The following SDK1 variants were observed in gnomAD, a reference collection of about 807,000 sequenced individuals.
SDK1 encodes the protein protein sidekick-1.
Under a neutral mutation model 245.5 loss-of-function variants are expected in SDK1, and 157 were observed. The observed-to-expected ratio is 0.64, with a 90% CI of 0.56 to 0.73. The LOEUF (loss-of-function observed/expected upper bound fraction) is 0.73. SDK1 is among the 30% of genes least tolerant of loss of function. The pLI is 0.00. For missense variants in SDK1, 3,583 were observed against 3,002.3 expected (o/e 1.19, Z -4.52); for synonymous variants, 1,647 against 1,278.5 (o/e 1.29, Z -6.15).
chr7:4,206,048 C>G (rs1482045205), intron 36 of SDK1, 54 bp downstream of exon 36: 2 of 1,191,192 alleles, frequency 1.7e-6, no homozygotes, highest in Admixed American at 4.7e-5. Flanking sequence ...ACCCCTCGTT[C>G]ACGTGGTCCT....
chr7:3,511,580 C>T (rs1210748833), intron 1 of SDK1, among the ~76,000 whole-genome samples: 1 of 151,874 alleles, frequency 6.6e-6, no homozygotes, highest in Non-Finnish European at 1.5e-5. Flanking sequence ...TTATTCCTGT[C>T]TTCTTAACAT....
chr7:3,708,150 C>G (rs952007267), intron 4 of SDK1, among the ~76,000 whole-genome samples: 2 of 152,116 alleles, frequency 1.3e-5, no homozygotes, highest in Non-Finnish European at 2.9e-5. Flanking sequence ...GGAACAGGAG[C>G]AAGAGAGAAT....
chr7:3,916,509 G>A (rs2128111008), intron 5 of SDK1, among the ~76,000 whole-genome samples: 1 of 152,306 alleles, frequency 6.6e-6, no homozygotes, highest in East Asian at 1.9e-4. Context: ...TGTCTTAAAA[G>A]ATGATGGAAA....
At chr7:4,129,707 G>C in intron 26 of SDK1, 1 of 1,415,838 alleles carries the variant, frequency 7.1e-7, no homozygotes, top group Non-Finnish European at 9.2e-7. Context: ...AAGCTCCCCT[G>C]GAGCGCAGTC....
At chr7:3,537,619 C>G (rs560719569) in intron 1 of SDK1, among the ~76,000 whole-genome samples, 45 of 152,344 alleles carry the variant, frequency 3.0e-4, no homozygotes, top group Non-Finnish European at 6.2e-4. Context: ...TCTTCAGTGA[C>G]TATTCATCAG....
chr7:3,558,597 G>C (rs1289130070), intron 1 of SDK1, among the ~76,000 whole-genome samples: 5 of 152,314 alleles, frequency 3.3e-5, no homozygotes, highest in Non-Finnish European at 7.3e-5. Context: ...TGTGAAGGGA[G>C]TAAGAGCTGG....
At chr7:3,861,456 T>A (rs1440428525) in intron 5 of SDK1, among the ~76,000 whole-genome samples, 1 of 151,950 alleles carries the variant, frequency 6.6e-6, no homozygotes, top group East Asian at 1.9e-4. Flanking sequence ...GCTTGGGGAG[T>A]GCTTGTGTGC....
At chr7:3,901,745 T>C (rs932689892) in intron 5 of SDK1, among the ~76,000 whole-genome samples, 2 of 152,230 alleles carry the variant, frequency 1.3e-5, no homozygotes. Flanking sequence ...ACCACGATGT[T>C]TGTGTCCTAA....
intron 1 of SDK1, among the ~76,000 whole-genome samples, chr7:3,378,432 C>G (rs186406274): frequency 9.2e-5 from 14 of 152,190 alleles, no homozygotes; most frequent in East Asian, 1.9e-4. Flanking sequence ...TTATCACTTG[C>G]GTTTCTTCGA....
chr7:3,731,040 C>T (rs919617502), intron 4 of SDK1, among the ~76,000 whole-genome samples: 7 of 152,176 alleles, frequency 4.6e-5, no homozygotes, highest in Non-Finnish European at 8.8e-5. Flanking sequence ...TGTAACAAAA[C>T]CCCTCTCAAA....
intron 5 of SDK1, among the ~76,000 whole-genome samples, chr7:3,903,258 C>G (rs1046192910): frequency 7.2e-5 from 11 of 151,844 alleles, no homozygotes; most frequent in Non-Finnish European, 1.6e-4. Flanking sequence ...ATTCTCCTGC[C>G]TCAGCCTCCC....
rs763158248 is a variant in SDK1, at chr7:3,616,463, C to G, written c.299-2617C>G. Among the ~76,000 whole-genome samples, 6 of 152,152 alleles carry G rather than the reference C, an allele frequency of 3.9e-5. 1 individual carries two copies. The highest frequency in any genetic ancestry group is 8.8e-5 in the Non-Finnish European group (6 of 68,034). ...CTTGCTGTTCACTCTTTCGTACTGC[C>G]CAAGGGTACTCGCCATGTTTGCTCC... On this transcript the variant is annotated intron_variant, in intron 1 of 44. Transcript: ENST00000404826.
chr7:4,062,511 C>T (rs970215773), intron 19 of SDK1, among the ~76,000 whole-genome samples: 9 of 152,158 alleles, frequency 5.9e-5, no homozygotes, highest in African/African-American at 2.2e-4. Flanking sequence ...GTTTCACTGA[C>T]AAATTCTACC....
At chr7:3,678,434 C>A (rs1242005707) in intron 4 of SDK1, among the ~76,000 whole-genome samples, 1 of 152,140 alleles carries the variant, frequency 6.6e-6, no homozygotes, top group East Asian at 1.9e-4. Flanking sequence ...CTATTATGTG[C>A]CCATAAAAGG....
At chr7:3,475,863 C>G (rs1273913118) in intron 1 of SDK1, among the ~76,000 whole-genome samples, 1 of 152,158 alleles carries the variant, frequency 6.6e-6, no homozygotes, top group Non-Finnish European at 1.5e-5. Context: ...TCATGTGGTA[C>G]TTCTTATTCA....
At chr7:4,104,797 G>A (rs542967135) in intron 22 of SDK1, among the ~76,000 whole-genome samples, 5 of 151,980 alleles carry the variant, frequency 3.3e-5, no homozygotes, top group African/African-American at 1.2e-4. Flanking sequence ...TGACATCCTG[G>A]GCGCTAATGA....
chr7:4,157,016 T>A (rs1021181949), intron 30 of SDK1, among the ~76,000 whole-genome samples: 23 of 152,178 alleles, frequency 1.5e-4, no homozygotes, highest in African/African-American at 5.6e-4. Context: ...GAAGAGCCGC[T>A]GCCCGCCAGG....
At chr7:4,001,652 G>C (rs1406652147) in intron 14 of SDK1, among the ~76,000 whole-genome samples, 1 of 152,206 alleles carries the variant, frequency 6.6e-6, no homozygotes, top group Non-Finnish European at 1.5e-5. Flanking sequence ...GACCTTTATG[G>C]TTTCTCTAAA....
chr7:4,111,486 A>G (rs1422764869), intron 23 of SDK1, among the ~76,000 whole-genome samples: 3 of 152,258 alleles, frequency 2.0e-5, no homozygotes, highest in Admixed American at 6.5e-5. Context: ...TTACATCTTT[A>G]TGAAGAATTT....
Sources: gnomAD v4.1 joint callset for allele counts (sites outside exome capture counted in the v4.1 genomes callset) on GRCh38, gnomAD v4.1.1 for gene constraint, MANE v1.5 for transcripts, NCBI Gene and HGNC (gene_info 2026-07-23, HGNC 2026-07-21) for gene names.